The following MPPED1 variants were observed in gnomAD, a reference collection of about 807,000 sequenced individuals.
MPPED1 encodes metallophosphoesterase domain-containing protein 1.
Under a neutral mutation model 36.2 loss-of-function variants are expected in MPPED1, and 16 were observed. The observed-to-expected ratio is 0.44, with a 90% CI of 0.30 to 0.67. MPPED1 has a LOEUF of 0.67. Among genes scored for constraint, MPPED1 ranks in the 30% least tolerant of loss-of-function variants. MPPED1 has a pLI of 0.10. For missense variants in MPPED1, 307 were observed against 453.4 expected (o/e 0.68, Z 2.93); for synonymous variants, 199 against 191.3 (o/e 1.04, Z -0.33).
At chr22:43,500,145 G>GTGA (rs1337141051) in intron 5 of MPPED1, among the ~76,000 whole-genome samples, 6 of 67,494 alleles carry the variant, frequency 8.9e-5, no homozygotes, top group Non-Finnish European at 1.3e-4. Flanking sequence ...AATGGAGGTG[G>GTGA]TGGGGGTGGT....
At chr22:43,412,237 C>T (rs891527751) in intron 1 of MPPED1, 79 bp downstream of exon 1, 1 of 834,422 alleles carries the variant, frequency 1.2e-6, no homozygotes, top group African/African-American at 1.9e-5. Flanking sequence ...CCTCTCCAGG[C>T]GCTGGGCGAC....
chr22:43,442,822 C>G (rs1314646712), intron 3 of MPPED1, among the ~76,000 whole-genome samples: 1 of 152,202 alleles, frequency 6.6e-6, no homozygotes, highest in Non-Finnish European at 1.5e-5. Context: ...CCTCCTGGCA[C>G]TTAGGGCCCT....
chr22:43,479,786 A>G (rs947644932), intron 4 of MPPED1, among the ~76,000 whole-genome samples: 2 of 152,240 alleles, frequency 1.3e-5, no homozygotes, highest in African/African-American at 4.8e-5. Context: ...GGAAGCAAAA[A>G]GCAAACATAT....
At chr22:43,501,565 G>A (rs542001650) in intron 5 of MPPED1, among the ~76,000 whole-genome samples, 6 of 152,304 alleles carry the variant, frequency 3.9e-5, no homozygotes, top group Non-Finnish European at 5.9e-5. Flanking sequence ...GACTGTGTGC[G>A]CCAGGGTGCC....
intron 3 of MPPED1, among the ~76,000 whole-genome samples, chr22:43,442,836 G>A (rs774127813): frequency 3.9e-5 from 6 of 152,158 alleles, no homozygotes; most frequent in African/African-American, 7.2e-5. Flanking sequence ...GGGCCCTGCC[G>A]GTTCACGTAC....
At chr22:43,497,929 G>GCATGTATGTATATATA (rs1555904566) in intron 4 of MPPED1, among the ~76,000 whole-genome samples, 1 of 48,758 alleles carries the variant, frequency 2.1e-5, no homozygotes, top group Non-Finnish European at 5.2e-5. Context: ...ATATATATAT[G>GCATGTATGTATATATA]TATATGTATA....
intron 3 of MPPED1, among the ~76,000 whole-genome samples, chr22:43,448,759 T>C (rs955643100): frequency 3.3e-5 from 5 of 152,008 alleles, no homozygotes; most frequent in African/African-American, 7.3e-5. Flanking sequence ...CCTGCCACCA[T>C]GCTCAGCTAA....
chr22:43,479,082 C>T (rs1032613521), intron 4 of MPPED1, among the ~76,000 whole-genome samples: 1 of 152,092 alleles, frequency 6.6e-6, no homozygotes, highest in Non-Finnish European at 1.5e-5. Flanking sequence ...GGGTTGTGCA[C>T]CCCCTCCCCA....
At chr22:43,504,145 A>AATG (rs1016780879) in intron 6 of MPPED1, among the ~76,000 whole-genome samples, 2 of 151,718 alleles carry the variant, frequency 1.3e-5, no homozygotes, top group East Asian at 3.9e-4. Flanking sequence ...TAATAATGTC[A>AATG]ATGATGATGA....
chr22:43,433,533 C>T (rs573852125), intron 2 of MPPED1, among the ~76,000 whole-genome samples: 145 of 151,262 alleles, frequency 9.6e-4, no homozygotes, highest in African/African-American at 3.4e-3. Flanking sequence ...TATTCATTTT[C>T]CTCCCAGCGT....
chr22:43,483,118 A>G (rs1034853293), intron 4 of MPPED1, among the ~76,000 whole-genome samples: 1 of 152,236 alleles, frequency 6.6e-6, no homozygotes, highest in Admixed American at 6.5e-5. Flanking sequence ...CCTGCATGGC[A>G]GGGAGGATGG....
intron 5 of MPPED1, among the ~76,000 whole-genome samples, chr22:43,501,833 C>T (rs1932743987): frequency 1.3e-5 from 2 of 152,032 alleles, no homozygotes; most frequent in South Asian, 4.1e-4. Flanking sequence ...CCCCCTCCTC[C>T]TCCTCCCTCA....
intron 1 of MPPED1, among the ~76,000 whole-genome samples, chr22:43,419,409 C>T (rs533945045): frequency 2.8e-4 from 43 of 152,140 alleles, no homozygotes; most frequent in Admixed American, 3.3e-4. Context: ...CGAGGGTGAA[C>T]GCAGGGGTGG....
At chr22:43,467,095 G>A (rs757560463) in intron 3 of MPPED1, among the ~76,000 whole-genome samples, 2 of 152,210 alleles carry the variant, frequency 1.3e-5, no homozygotes, top group Non-Finnish European at 2.9e-5. Flanking sequence ...GGAAGCATGC[G>A]TGTTTTATAA....
At position 43,507,087 on chromosome 22, in the gene MPPED1, A is replaced by T. The variant is rs1932827293; in HGVS notation, c.*1471A>T. ...AAGGTAGGTACTTTAGTCCCATTTT[A>T]GAGATGAGACGATTGAGGCCAGAGG... On this transcript the variant is annotated 3_prime_UTR_variant, in exon 7 of 7. Transcript: ENST00000443721. 1 of 152,160 alleles carries T rather than the reference A, an allele frequency of 6.6e-6. No homozygotes were observed. Among genetic ancestry groups the T allele is most frequent in the Non-Finnish European group, 1.5e-5 (1 of 68,036 alleles). The allele number at this position is 152,160 out of a possible 1,614,324, so 9.4% of individuals were successfully genotyped here. A position where few individuals can be genotyped will look rare whatever the true frequency, so the allele number is the denominator to read the frequency against.
intron 3 of MPPED1, among the ~76,000 whole-genome samples, chr22:43,460,589 T>C (rs78079981): frequency 0.012 from 1,836 of 152,286 alleles, 59 homozygotes; most frequent in African/African-American, 0.042. Context: ...GTGAATGTCC[T>C]GGAAACTCTG....
intron 2 of MPPED1, among the ~76,000 whole-genome samples, chr22:43,430,332 A>G (rs1212119422): frequency 6.6e-6 from 1 of 152,206 alleles, no homozygotes; most frequent in South Asian, 2.1e-4. Flanking sequence ...TCCAGAGTGC[A>G]CTGCAGGGGT....
At chr22:43,454,395 C>T (rs1359696799) in intron 3 of MPPED1, among the ~76,000 whole-genome samples, 4 of 152,260 alleles carry the variant, frequency 2.6e-5, no homozygotes, top group African/African-American at 9.6e-5. Context: ...GCCTTGATCT[C>T]CTGAGCTCAA....
At chr22:43,460,204 TCAAAAAA>T (rs1195473731) in intron 3 of MPPED1, among the ~76,000 whole-genome samples, 1 of 138,896 alleles carries the variant, frequency 7.2e-6, no homozygotes, top group Non-Finnish European at 1.5e-5. Flanking sequence ...AGACTCCATC[TCAAAAAA>T]CAAAAACAAA....
Sources: allele counts gnomAD v4.1 joint callset (sites outside exome capture counted in the v4.1 genomes callset), GRCh38; gene constraint gnomAD v4.1.1; transcripts MANE v1.5; gene names NCBI Gene and HGNC (gene_info 2026-07-23, HGNC 2026-07-21).